The following SORCS2 variants were observed in gnomAD, a reference collection of about 807,000 sequenced individuals.
SORCS2 encodes sortilin related VPS10 domain containing receptor 2.
Under a neutral mutation model 141.6 loss-of-function variants are expected in SORCS2, and 100 were observed. The ratio of observed to expected loss-of-function variants is 0.71; its 90% CI spans 0.60 to 0.83. The LOEUF is 0.83. Ranked by LOEUF, SORCS2 falls within the 40% of genes least tolerant of loss-of-function variation. The pLI, the probability that SORCS2 is intolerant of heterozygous loss-of-function variation, is 0.00. For synonymous variants in SORCS2, 789 were observed against 676.9 expected, an observed-to-expected ratio of 1.17 and a Z score of -2.57; for missense variants, 1,646 against 1,560.2, an observed-to-expected ratio of 1.05 and a Z score of -0.93.
Position 7,535,510 on chromosome 4 carries a change from C to T in SORCS2, c.648+3881C>T, listed in dbSNP as rs140918147. ...GAACCGCCCTTGTTCTGGGCTTCCT[C>T]ATTGGTGAAATGGGGGTAGTAGCAG... On this transcript the variant is annotated intron_variant, in intron 3 of 26. Coordinates refer to ENST00000507866, the MANE Select transcript of SORCS2 (RefSeq NM_020777.3). Among the ~76,000 whole-genome samples, 140 of 152,336 alleles carry T rather than the reference C, an allele frequency of 9.2e-4. 2 individuals are homozygous for T. The highest frequency in any genetic ancestry group is 5.4e-4 in the Non-Finnish European group (37 of 68,036).
At chr4:7,361,808 G>C (rs547008347) in intron 1 of SORCS2, among the ~76,000 whole-genome samples, 3 of 151,834 alleles carry the variant, frequency 2.0e-5, no homozygotes, top group Non-Finnish European at 4.4e-5. Context: ...TGCTAATGCC[G>C]GGCAAGGCTA....
chr4:7,691,938 G>A (rs1724284293), intron 11 of SORCS2, among the ~76,000 whole-genome samples: 1 of 151,934 alleles, frequency 6.6e-6, no homozygotes, highest in Non-Finnish European at 1.5e-5. Flanking sequence ...AGCACCGAGA[G>A]CAGCCCCCCT....
chr4:7,305,838 C>A (rs972471179), intron 1 of SORCS2, among the ~76,000 whole-genome samples: 1 of 152,206 alleles, frequency 6.6e-6, no homozygotes, highest in Non-Finnish European at 1.5e-5. Flanking sequence ...GTCCCCTCCC[C>A]GATCATCCCC....
intron 8 of SORCS2, among the ~76,000 whole-genome samples, chr4:7,675,549 C>T (rs1723052122): frequency 6.6e-6 from 1 of 152,192 alleles, no homozygotes; most frequent in Non-Finnish European, 1.5e-5. Context: ...CAGGGCCTTT[C>T]TAGGCATCCA....
intron 3 of SORCS2, among the ~76,000 whole-genome samples, chr4:7,546,995 A>G (rs893683554): frequency 3.3e-5 from 5 of 152,192 alleles, no homozygotes; most frequent in African/African-American, 1.2e-4. Context: ...CCTGGTTAGG[A>G]CAAGTGTAGT....
rs1447896303 is a variant in SORCS2, at chr4:7,387,441, GCATGCACA to G, written c.481-8836_481-8829del. On this transcript the variant is annotated intron_variant, in intron 1 of 26. Transcript: ENST00000507866. ...CACATGCACACACACATAGGTACATGCATGCACACATGCACACACAGATACAGAGATAC... is the reference window on the plus strand; with the variant it reads ...CACATGCACACACACATAGGTACATGCATGCACACACAGATACAGAGATAC... 9.0e-3 allele frequency among the ~76,000 whole-genome samples: 692 copies of G among 76,738 alleles called. 1 individual carries two copies. Among genetic ancestry groups the G allele is most frequent in the Admixed American group, 0.021 (141 of 6,834 alleles). 50.3% of individuals were successfully genotyped at this position (76,738 alleles called of 152,430 possible).
intron 8 of SORCS2, among the ~76,000 whole-genome samples, chr4:7,675,273 C>T (rs949978433): frequency 2.6e-5 from 4 of 152,322 alleles, no homozygotes; most frequent in East Asian, 1.9e-4. Context: ...GAGTGGAAAC[C>T]GAGGCTGGGG....
At chr4:7,376,549 C>G (rs748556103) in intron 1 of SORCS2, among the ~76,000 whole-genome samples, 1 of 152,172 alleles carries the variant, frequency 6.6e-6, no homozygotes, top group Non-Finnish European at 1.5e-5. Context: ...TTTACTCCAG[C>G]CTGGGTGACA....
chr4:7,527,543 C>T (rs879526984), intron 2 of SORCS2, among the ~76,000 whole-genome samples: 18 of 152,212 alleles, frequency 1.2e-4, no homozygotes, highest in African/African-American at 4.1e-4. Flanking sequence ...TCCTCTGGAG[C>T]TTCCAGGAGG....
intron 1 of SORCS2, among the ~76,000 whole-genome samples, chr4:7,384,346 G>A (rs1325122000): frequency 1.3e-5 from 2 of 152,204 alleles, no homozygotes; most frequent in Non-Finnish European, 2.9e-5. Flanking sequence ...CAGGACAGAG[G>A]AAGTCATTTA....
chr4:7,586,128 G>C (rs552447434), intron 3 of SORCS2, among the ~76,000 whole-genome samples: 2 of 152,184 alleles, frequency 1.3e-5, no homozygotes, highest in Non-Finnish European at 2.9e-5. Context: ...TGGCTTCTCT[G>C]TTGGGAACGC....
At chr4:7,551,890 G>A (rs142562260) in intron 3 of SORCS2, among the ~76,000 whole-genome samples, 6 of 152,272 alleles carry the variant, frequency 3.9e-5, no homozygotes, top group Non-Finnish European at 5.9e-5. Flanking sequence ...TAATACCACC[G>A]TGTAATTACT....
intron 1 of SORCS2, among the ~76,000 whole-genome samples, chr4:7,312,895 G>T (rs1718275298): frequency 6.6e-6 from 1 of 152,236 alleles, no homozygotes; most frequent in South Asian, 2.1e-4. Context: ...CAGCAGAAGG[G>T]CCTGGTGGAT....
chr4:7,581,269 C>T (rs1210927045), intron 3 of SORCS2, among the ~76,000 whole-genome samples: 1 of 151,482 alleles, frequency 6.6e-6, no homozygotes, highest in African/African-American at 2.4e-5. Flanking sequence ...TGAAAAGAGG[C>T]TCAGCCTCAC....
intron 3 of SORCS2, among the ~76,000 whole-genome samples, chr4:7,548,699 C>G (rs1163220970): frequency 1.3e-5 from 2 of 151,976 alleles, no homozygotes; most frequent in African/African-American, 4.8e-5. Context: ...TGTGTCCAAG[C>G]AGAGAGGGCA....
chr4:7,270,002 C>A (rs1368504877), intron 1 of SORCS2, among the ~76,000 whole-genome samples: 1 of 152,218 alleles, frequency 6.6e-6, no homozygotes, highest in Non-Finnish European at 1.5e-5. Context: ...GCCTCAGCCT[C>A]CCAAGTAGCT....
At chr4:7,282,204 C>T (rs1577352500) in intron 1 of SORCS2, among the ~76,000 whole-genome samples, 1 of 152,236 alleles carries the variant, frequency 6.6e-6, no homozygotes. Context: ...CCGGCTGCTG[C>T]TGTTACCGTC....
chr4:7,316,103 C>A (rs1560186674), intron 1 of SORCS2, among the ~76,000 whole-genome samples: 1 of 151,912 alleles, frequency 6.6e-6, no homozygotes, highest in Non-Finnish European at 1.5e-5. Flanking sequence ...TCCATCCATC[C>A]TTTTTTCCTT....
chr4:7,709,533 C>T (rs999205768), intron 14 of SORCS2, among the ~76,000 whole-genome samples: 2 of 152,222 alleles, frequency 1.3e-5, no homozygotes, highest in African/African-American at 2.4e-5. Flanking sequence ...GTTCACAGTG[C>T]TGCATCTTCA....
Sources: allele counts gnomAD v4.1 joint callset (sites outside exome capture counted in the v4.1 genomes callset), GRCh38; gene constraint gnomAD v4.1.1; transcripts MANE v1.5; gene names NCBI Gene and HGNC (gene_info 2026-07-23, HGNC 2026-07-21).